Variants in CDH23 observed in about 807,000 individuals in gnomAD.
CDH23 encodes cadherin-23.
Under a neutral mutation model 317.1 loss-of-function variants are expected in CDH23, and 189 were observed. The ratio of observed to expected loss-of-function variants is 0.60; its 90% CI spans 0.53 to 0.67. The LOEUF (loss-of-function observed/expected upper bound fraction) is 0.67, where lower values mean the gene tolerates loss of function less well. Among genes scored for constraint, CDH23 ranks in the 30% least tolerant of loss-of-function variants. CDH23 has a pLI of 0.00. For missense variants in CDH23, 4,401 were observed against 4,592.4 expected, an observed-to-expected ratio of 0.96 and a Z score of 1.20; for synonymous variants, 1,839 against 1,876.8, an observed-to-expected ratio of 0.98 and a Z score of 0.52.
At chr10:71,670,596 G>A (rs1864104408) in intron 14 of CDH23, among the ~76,000 whole-genome samples, 1 of 152,178 alleles carries the variant, frequency 6.6e-6, no homozygotes, top group Non-Finnish European at 1.5e-5. Context: ...CAGAAGGAAA[G>A]GATAGAGGAA....
At chr10:71,713,007 G>A (rs750614627) in intron 28 of CDH23, 194 bp downstream of exon 28, 3 of 758,630 alleles carry the variant, frequency 4.0e-6, no homozygotes, top group Non-Finnish European at 7.0e-6. Context: ...TGGGCCCCCA[G>A]GTTGCAGAGC....
At chr10:71,440,923 G>C (rs1589311149) in intron 2 of CDH23, among the ~76,000 whole-genome samples, 1 of 152,166 alleles carries the variant, frequency 6.6e-6, no homozygotes, top group East Asian at 1.9e-4. Flanking sequence ...GGCTGCTGCA[G>C]CCTCGTGCTT....
chr10:71,491,404 C>T (rs1852650676), intron 3 of CDH23, among the ~76,000 whole-genome samples: 1 of 152,214 alleles, frequency 6.6e-6, no homozygotes, highest in Admixed American at 6.5e-5. Context: ...AGCAAACAGA[C>T]TTGCACAGCC....
chr10:71,584,179 G>A (rs1564669041), intron 9 of CDH23, among the ~76,000 whole-genome samples: 1 of 152,148 alleles, frequency 6.6e-6, no homozygotes, highest in Non-Finnish European at 1.5e-5. Flanking sequence ...GTTTAAAGCA[G>A]ATTTACATTA....
At chr10:71,620,337 G>A (rs12220154) in intron 11 of CDH23, among the ~76,000 whole-genome samples, 2,833 of 152,220 alleles carry the variant, frequency 0.019, 185 homozygotes, top group East Asian at 0.16. Flanking sequence ...CGCCCAGTAC[G>A]TTAGCCGTTG....
chr10:71,456,794 T>C (rs368248452), intron 3 of CDH23, among the ~76,000 whole-genome samples: 15 of 152,374 alleles, frequency 9.8e-5, no homozygotes, highest in Middle Eastern at 3.4e-3. Flanking sequence ...GTGAGTCTTA[T>C]AACCCTCATT....
chr10:71,751,992 A>C lies in CDH23; in HGVS notation c.4845+10071A>C. The stretch of plus-strand genomic sequence containing the variant: ...ATCCCCAAGCCTCAGCAGCATCTCC[A>C]AGCAAGAAGGCAGGAGCCAGGCCCA... On this transcript the variant is annotated intron_variant, in intron 38 of 69. Coordinates refer to ENST00000224721, the MANE Select transcript of CDH23 (RefSeq NM_022124.6). This position sits in a 1 kb window ranked among gnomAD's most constrained non-coding sequence, Gnocchi z 4.9. 3 of 1,036,612 alleles carry C rather than the reference A, an allele frequency of 2.9e-6. No homozygotes were observed. Among genetic ancestry groups the C allele is most frequent in the Non-Finnish European group, 4.3e-6 (3 of 691,938 alleles). The allele number at this position is 1,036,612 out of a possible 1,614,324, so 64.2% of individuals were successfully genotyped here.
intron 9 of CDH23, among the ~76,000 whole-genome samples, chr10:71,588,853 TA>T (rs1280581430): frequency 5.3e-5 from 8 of 152,218 alleles, no homozygotes; most frequent in Non-Finnish European, 1.0e-4. Context: ...GCACCCTCTC[TA>T]GCCCCTGAAA....
intron 19 of CDH23, among the ~76,000 whole-genome samples, chr10:71,688,434 A>G (rs961543887): frequency 1.6e-4 from 24 of 152,306 alleles, no homozygotes; most frequent in Middle Eastern, 3.4e-3. Flanking sequence ...TGCTGGAGCC[A>G]GGGATGGTAG....
At chr10:71,413,568 G>C (rs926603672) in intron 1 of CDH23, among the ~76,000 whole-genome samples, 1 of 152,020 alleles carries the variant, frequency 6.6e-6, no homozygotes, top group African/African-American at 2.4e-5. Flanking sequence ...GATTGCTTTG[G>C]GCAGTAGTGT....
intron 19 of CDH23, among the ~76,000 whole-genome samples, chr10:71,689,934 G>A (rs1363853826): frequency 6.6e-6 from 1 of 152,184 alleles, no homozygotes; most frequent in Non-Finnish European, 1.5e-5. Flanking sequence ...TCAGGGTCTG[G>A]ACAGGGTGGC....
chr10:71,688,071 G>A (rs1294891280), intron 19 of CDH23, among the ~76,000 whole-genome samples: 2 of 152,200 alleles, frequency 1.3e-5, no homozygotes, highest in South Asian at 2.1e-4. Context: ...ATAGCACTGT[G>A]AGGCAGGTCC....
At chr10:71,556,289 T>C (rs1856872032) in intron 6 of CDH23, among the ~76,000 whole-genome samples, 1 of 152,086 alleles carries the variant, frequency 6.6e-6, no homozygotes, top group Non-Finnish European at 1.5e-5. Flanking sequence ...CAGGATCCAT[T>C]GCAGGGGGCA....
rs145156915 is a variant in CDH23 at position 71,542,486 on chromosome 10, C to A, written c.430-24256C>A. Among the ~76,000 whole-genome samples the A allele has an allele frequency of 1.0e-3, 153 of 152,294 alleles. 1 individual carries two copies. The highest frequency in any genetic ancestry group is 3.2e-3 in the African/African-American group (132 of 41,568). Reference sequence around the variant, plus strand: ...TTCTTGGTCACAAGGCTGCCACCTCCGATGGCAGGACTCAGGGCCTGGCCT... The same window carrying A: ...TTCTTGGTCACAAGGCTGCCACCTCAGATGGCAGGACTCAGGGCCTGGCCT... On this transcript the variant is annotated intron_variant, in intron 6 of 69. Coordinates refer to ENST00000224721, the MANE Select transcript of CDH23 (RefSeq NM_022124.6).
intron 47 of CDH23, among the ~76,000 whole-genome samples, chr10:71,792,183 G>T (rs1306110885): frequency 6.6e-6 from 1 of 152,034 alleles, no homozygotes; most frequent in Non-Finnish European, 1.5e-5. Context: ...GAGGCCAATG[G>T]GGAAGCTACT....
chr10:71,466,879 T>G (rs535364296), intron 3 of CDH23, among the ~76,000 whole-genome samples: 43 of 151,058 alleles, frequency 2.8e-4, no homozygotes, highest in African/African-American at 7.0e-4. Flanking sequence ...ATGAGGGGTG[T>G]GTGTGTGTGT....
At chr10:71,461,934 C>A (rs539295776) in intron 3 of CDH23, among the ~76,000 whole-genome samples, 1 of 122,428 alleles carries the variant, frequency 8.2e-6, no homozygotes, top group Admixed American at 8.2e-5. Context: ...AGGACCGCTG[C>A]CCTGGCCATG....
intron 18 of CDH23, among the ~76,000 whole-genome samples, chr10:71,686,337 C>T (rs1052097784): frequency 6.6e-6 from 1 of 152,044 alleles, no homozygotes; most frequent in Non-Finnish European, 1.5e-5. Context: ...GCAGCTGGGG[C>T]ATTGGACATC....
intron 28 of CDH23, among the ~76,000 whole-genome samples, chr10:71,723,170 T>G (rs1564758075): frequency 1.3e-5 from 2 of 152,102 alleles, no homozygotes; most frequent in Admixed American, 6.5e-5. Flanking sequence ...TACAAAGCAA[T>G]TCACCACAGA....
Sources: allele counts gnomAD v4.1 joint callset (sites outside exome capture counted in the v4.1 genomes callset), GRCh38; gene constraint gnomAD v4.1.1; non-coding constraint Gnocchi (gnomAD v3.1); transcripts MANE v1.5; gene names NCBI Gene and HGNC (gene_info 2026-07-23, HGNC 2026-07-21).